Variants in ZNF541 observed in about 807,000 individuals in gnomAD.
ZNF541 encodes the protein zinc finger protein 541.
Under a neutral mutation model 123.5 loss-of-function variants are expected in ZNF541, and 23 were observed. The observed-to-expected ratio is 0.19, with a 90% CI of 0.13 to 0.26. The LOEUF (loss-of-function observed/expected upper bound fraction) is 0.26. Among genes scored for constraint, ZNF541 ranks in the 10% least tolerant of loss-of-function variants. The pLI is 1.00. For missense variants in ZNF541, 1,612 were observed against 1,789.9 expected (o/e 0.90, Z 1.79); for synonymous variants, 751 against 754.5 (o/e 1.00, Z 0.08).
Position 47,545,775 on chromosome 19 carries a change from TG to T in ZNF541, c.753del (p.Ser252AlafsTer28). The part of the protein sequence containing the change: ...HAHESAGQPP[P>X]SSLRSLVPPE... ...GGGGGCACCAGGGACCGCAGGCTGC[TG>T]GGGGGCGGCTGGCCGGCCGACTCGT... On this transcript the variant is annotated frameshift_variant, in exon 5 of 17. Coordinates refer to ENST00000391901, the MANE Select transcript of ZNF541 (RefSeq NM_001277075.3). LOFTEE classifies it high-confidence loss of function. The surrounding 1 kb of genome is among the most constrained non-coding windows in gnomAD (Gnocchi z 7.5). The T allele has an allele frequency of 2.0e-6, 3 of 1,537,326 alleles. No individual in the cohort carries two copies. Among genetic ancestry groups the T allele is most frequent in the Non-Finnish European group, 1.8e-6 (2 of 1,142,042 alleles).
intron 5 of ZNF541, among the ~76,000 whole-genome samples, chr19:47,543,639 T>C (rs1226760955): frequency 6.6e-6 from 1 of 151,492 alleles, no homozygotes; most frequent in Non-Finnish European, 1.5e-5. Context: ...ATCCTCATGT[T>C]GATCTTTTTT....
At chr19:47,533,015 G>A in intron 9 of ZNF541, 43 bp from the exon 10 acceptor site, 1 of 1,529,798 alleles carries the variant, frequency 6.5e-7, no homozygotes, top group Non-Finnish European at 8.8e-7. Flanking sequence ...ACAGACAGCA[G>A]GTAACCGACA....
Position 47,540,302 on chromosome 19 carries a change from C to T in ZNF541, c.2496G>A (p.Thr832=), listed in dbSNP as rs112974808. The T allele has an allele frequency of 3.2e-6, 5 of 1,552,026 alleles. No individual in the cohort carries two copies. The African/African-American group carries it at 4.1e-5, about 13-fold the overall frequency. Residue 832 remains threonine (T), a synonymous_variant, in exon 7 of 17, where the codon ACG becomes ACA. Coordinates refer to ENST00000391901, the MANE Select transcript of ZNF541 (RefSeq NM_001277075.3). ...NQQNGSPTDW[T]KPRSTFVCKN... is the part of the protein sequence containing the mutation. ...TGCAGACAAAAGTGCTCCTGGGCTTCGTCCAGTCTGTGGGACTGCCGTTTT... is the reference window on the plus strand; with the variant it reads ...TGCAGACAAAAGTGCTCCTGGGCTTTGTCCAGTCTGTGGGACTGCCGTTTT...
At position 47,545,717 on chromosome 19, in the gene ZNF541, TG is replaced by T; in HGVS notation, c.811del (p.His271ThrfsTer9). On this transcript the variant is annotated frameshift_variant, in exon 5 of 17. Transcript: ENST00000391901. LOFTEE classifies it high-confidence loss of function. This position sits in a 1 kb window ranked among gnomAD's most constrained non-coding sequence, Gnocchi z 7.5. ...CACGATGCGGCGCAGGAGGTCCCGG[TG>T]GGGCAGGAGGGAGCCGGGGGACCTG... ...EARSPGSLLP[H>X]RDLLRRIVSS... is the part of the protein sequence containing the mutation. 1.3e-6 allele frequency: 2 copies of T among 1,546,194 alleles called. No individual in the cohort carries two copies.
chr19:47,545,745 C>T lies in ZNF541; in HGVS notation c.784G>A (p.Ala262Thr), dbSNP rs1229761288. ...GGCAGGAGGGAGCCGGGGGACCTGG[C>T]CTCTGGGGGCACCAGGGACCGCAGG... ...SSLRSLVPPE[A>T]RSPGSLLPHR... is the part of the protein sequence containing the mutation. The change falls in exon 5 of 17, where the codon GCC (alanine) becomes ACC (threonine). Residue 262 changes from alanine to threonine, a missense_variant. Coordinates refer to ENST00000391901, the MANE Select transcript of ZNF541 (RefSeq NM_001277075.3). This position sits in a 1 kb window ranked among gnomAD's most constrained non-coding sequence, Gnocchi z 7.5. The T allele has an allele frequency of 6.5e-7, 1 of 1,543,878 alleles. No homozygotes were observed. Among genetic ancestry groups the T allele is most frequent in the African/African-American group, 1.4e-5 (1 of 73,014 alleles).
intron 2 of ZNF541, among the ~76,000 whole-genome samples, chr19:47,561,245 G>C (rs942875428): frequency 6.6e-6 from 1 of 152,024 alleles, no homozygotes; most frequent in Admixed American, 6.6e-5. Flanking sequence ...CCAGGAGTTT[G>C]ACAAAGTCAG....
At position 47,521,403 on chromosome 19, in the gene ZNF541, G is replaced by A; in HGVS notation, c.3888-26C>T. ...CTGAGGAGTCACCAGAGGACATGGGGTCAGAGCAGGGAGGAAGGGATCACA... is the reference window on the plus strand; with the variant it reads ...CTGAGGAGTCACCAGAGGACATGGGATCAGAGCAGGGAGGAAGGGATCACA... On this transcript the variant is annotated intron_variant, in intron 16 of 16. Transcript: ENST00000391901. This position sits in a 1 kb window ranked among gnomAD's most constrained non-coding sequence, Gnocchi z 4.2. 1 of 1,551,484 alleles carries A rather than the reference G, an allele frequency of 6.4e-7. No homozygotes were observed. Among genetic ancestry groups the A allele is most frequent in the Non-Finnish European group, 8.7e-7 (1 of 1,146,714 alleles).
chr19:47,533,585 G>A (rs1969683680), intron 9 of ZNF541, among the ~76,000 whole-genome samples: 1 of 152,050 alleles, frequency 6.6e-6, no homozygotes, highest in Non-Finnish European at 1.5e-5. Context: ...GCTCACGCCT[G>A]TAATCCCAGC....
At chr19:47,562,375 C>G (rs1971100459) in intron 2 of ZNF541, among the ~76,000 whole-genome samples, 1 of 152,018 alleles carries the variant, frequency 6.6e-6, no homozygotes, top group Non-Finnish European at 1.5e-5. Flanking sequence ...GAAACGCCAT[C>G]TCTACTAAAA....
At chr19:47,572,562 G>C (rs2123462563) in intron 1 of ZNF541, among the ~76,000 whole-genome samples, 1 of 151,670 alleles carries the variant, frequency 6.6e-6, no homozygotes, top group South Asian at 2.1e-4. Flanking sequence ...AGGAAAGGAG[G>C]AGAGATTTGG....
chr19:47,558,207 G>A lies in ZNF541; in HGVS notation c.-98-2253C>T, dbSNP rs182156895. 7.8e-3 allele frequency among the ~76,000 whole-genome samples: 1,186 copies of A among 152,228 alleles called. 13 individuals carry two copies. The highest frequency in any genetic ancestry group is 0.027 in the African/African-American group (1,113 of 41,562). On this transcript the variant is annotated intron_variant, in intron 2 of 16. Coordinates refer to ENST00000391901, the MANE Select transcript of ZNF541 (RefSeq NM_001277075.3). ...CGAGGTGGGCGGATCATGAGGTCAGGAGATCGAGACCATCCCGGCTAACAC... is the reference window on the plus strand; with the variant it reads ...CGAGGTGGGCGGATCATGAGGTCAGAAGATCGAGACCATCCCGGCTAACAC...
At position 47,521,076 on chromosome 19, in the gene ZNF541, G is replaced by T; in HGVS notation, c.*148C>A. On this transcript the variant is annotated 3_prime_UTR_variant, in exon 17 of 17. Transcript: ENST00000391901. The surrounding 1 kb of genome is among the most constrained non-coding windows in gnomAD (Gnocchi z 4.2). ...ACTGAGCTCCTCCTGCCTATCTGTG[G>T]CCAAATGCCCTCCATGTTTGCAGGC... 9.9e-7 allele frequency: 1 copy of T among 1,012,408 alleles called. No homozygotes were observed. The highest frequency in any genetic ancestry group is 1.4e-6 in the Non-Finnish European group (1 of 708,710). The allele number at this position is 1,012,408 out of a possible 1,614,324, so 62.7% of individuals were successfully genotyped here. A position where few individuals can be genotyped will look rare whatever the true frequency, so the allele number is the denominator to read the frequency against.
chr19:47,540,235 T>G lies in ZNF541; in HGVS notation c.2563A>C (p.Ser855Arg), dbSNP rs1196050105. The change falls in exon 7 of 17, where the codon AGC becomes CGC. Residue 855 changes from serine to arginine, a missense_variant. Physicochemically the swap from Ser to Arg is moderately radical, Grantham distance 110. Coordinates refer to ENST00000391901, the MANE Select transcript of ZNF541 (RefSeq NM_001277075.3). ...QMFYTEKGLS[S>R]HMCFHSDQWP... is the part of the protein sequence containing the mutation. ...TGGTCGCTGTGAAAACACATGTGGC[T>G]GCTCAGCCCTTTCTCCGTATAAAAC... The G allele has an allele frequency of 6.4e-7, 1 of 1,551,788 alleles. No individual in the cohort carries two copies.
Position 47,545,149 on chromosome 19 carries a change from G to A in ZNF541, c.1380C>T (p.Ser460=), listed in dbSNP as rs1280004636. The A allele has an allele frequency of 3.3e-5, 49 of 1,488,964 alleles. No homozygotes were observed. Among genetic ancestry groups the A allele is most frequent in the South Asian group, 9.1e-5 (7 of 77,066 alleles). 92.2% of individuals were successfully genotyped at this position (1,488,964 alleles called of 1,614,324 possible). A position where few individuals can be genotyped will look rare whatever the true frequency, so the allele number is the denominator to read the frequency against. The change falls in exon 5 of 17, where the codon TCC becomes TCT. Residue 460 remains serine, a synonymous_variant. Transcript: ENST00000391901. The surrounding 1 kb of genome is among the most constrained non-coding windows in gnomAD (Gnocchi z 7.5). ...GPSSGSPSEE[S]PPGPGGGLED... ...CCAGGCCACCGCCGGGGCCGGGCGG[G>A]GACTCCTCCGAGGGGCTTCCGCTGC...
rs1295663239 is a variant in ZNF541, at chr19:47,544,194, A to C, written c.2335T>G (p.Ser779Ala). The change falls in exon 5 of 17, where the codon TCC becomes GCC. Residue 779 changes from serine (S) to alanine (A), a missense_variant. Transcript: ENST00000391901. ...GCCGGGGGCCCGGCCGATGAGAAGG[A>C]GGCCATGGCTACCTGGCTCGGAGAA... ...AASPSQVAMA[S>A]FSSAGPPADP... 3.9e-6 allele frequency: 6 copies of C among 1,551,302 alleles called. No homozygotes were observed. Among genetic ancestry groups the C allele is most frequent in the East Asian group, 2.4e-5 (1 of 40,858 alleles).
intron 9 of ZNF541, among the ~76,000 whole-genome samples, chr19:47,534,363 GA>G (rs150090235): frequency 0.014 from 2,112 of 152,126 alleles, 32 homozygotes; most frequent in Middle Eastern, 0.054. Flanking sequence ...AATATCTAAA[GA>G]AAAAGGCCTG....
At chr19:47,529,165 A>G in intron 13 of ZNF541, 127 bp from the exon 14 acceptor site, 1 of 709,454 alleles carries the variant, frequency 1.4e-6, no homozygotes, top group Non-Finnish European at 2.3e-6. Context: ...CAATCTCATA[A>G]AAAACTCAAA....
chr19:47,560,117 T>C (rs1044667050), intron 2 of ZNF541, among the ~76,000 whole-genome samples: 9 of 152,122 alleles, frequency 5.9e-5, no homozygotes, highest in African/African-American at 1.9e-4. Context: ...GGCAGCTCTC[T>C]GGGGTGCAGA....
Position 47,545,144 on chromosome 19 carries a change from G to A in ZNF541, c.1385C>T (p.Pro462Leu). Residue 462 changes from proline (P) to leucine (L), a missense_variant, in exon 5 of 17, where the codon CCC becomes CTC. By Grantham distance (98) the Pro-to-Leu change is moderately conservative. This residue lies in a region of ZNF541 where 1,080 missense variants were observed against 1,013.8 expected (regional missense o/e 1.07). Transcript: ENST00000391901. This position sits in a 1 kb window ranked among gnomAD's most constrained non-coding sequence, Gnocchi z 7.5. ...SSGSPSEESP[P>L]GPGGGLEDAL... Reference sequence around the variant, plus strand: ...ATCCTCCAGGCCACCGCCGGGGCCGGGCGGGGACTCCTCCGAGGGGCTTCC... The same window carrying A: ...ATCCTCCAGGCCACCGCCGGGGCCGAGCGGGGACTCCTCCGAGGGGCTTCC... 1 of 1,487,538 alleles carries A rather than the reference G, an allele frequency of 6.7e-7. No homozygotes were observed. Among genetic ancestry groups the A allele is most frequent in the Non-Finnish European group, 8.9e-7 (1 of 1,119,084 alleles). 92.1% of individuals were successfully genotyped at this position (1,487,538 alleles called of 1,614,324 possible).
Sources: allele counts gnomAD v4.1 joint callset (sites outside exome capture counted in the v4.1 genomes callset), GRCh38; gene constraint gnomAD v4.1.1; regional missense constraint gnomAD v4.1.1; non-coding constraint Gnocchi (gnomAD v3.1); transcripts MANE v1.5; gene names NCBI Gene and HGNC (gene_info 2026-07-23, HGNC 2026-07-21).